HSD17B4: variants seen among roughly 807,000 people sequenced by gnomAD.
HSD17B4 encodes hydroxysteroid 17-beta dehydrogenase 4.
Under a neutral mutation model 101.0 loss-of-function variants are expected in HSD17B4, and 70 were observed. That is an observed-to-expected ratio of 0.69 (90% CI 0.57 to 0.85). HSD17B4 has a LOEUF of 0.85. Ranked by LOEUF, HSD17B4 falls within the 40% of genes least tolerant of loss-of-function variation. The probability of loss-of-function intolerance (pLI) is 0.00; values close to 1 mark genes in which losing one functional copy is unlikely to be tolerated. For synonymous variants in HSD17B4, 347 were observed against 297.1 expected (o/e 1.17, Z -1.73); for missense variants, 984 against 892.4 (o/e 1.10, Z -1.31).
chr5:119,520,920 C>A (rs1300391119), intron 17 of HSD17B4, among the ~76,000 whole-genome samples: 1 of 152,064 alleles, frequency 6.6e-6, no homozygotes, highest in Non-Finnish European at 1.5e-5. Context: ...TTATTGTTCC[C>A]ATTTTGGGGG....
chr5:119,476,850 T>G (rs1245750250), intron 6 of HSD17B4: 5 of 265,102 alleles, frequency 1.9e-5, no homozygotes, highest in Non-Finnish European at 2.9e-5. Flanking sequence ...TGAAAACATT[T>G]GTTTTACCAA....
chr5:119,499,564 T>TA lies in HSD17B4; in HGVS notation c.1209+17dup, dbSNP rs757093469. On this transcript the variant is annotated intron_variant, in intron 13 of 23. Coordinates refer to ENST00000510025, the MANE Select transcript of HSD17B4 (RefSeq NM_000414.4). ...ATCAACTTTGCAAAGGTATGCCTAATAAAAAACCTTTATTTTGCTTTTCTA... is the reference window on the plus strand; with the variant it reads ...ATCAACTTTGCAAAGGTATGCCTAATAAAAAAACCTTTATTTTGCTTTTCTA... The TA allele has an allele frequency of 2.4e-5, 35 of 1,483,454 alleles. No individual in the cohort carries two copies. The highest frequency in any genetic ancestry group is 5.7e-5 in the South Asian group (5 of 88,308). 91.9% of individuals were successfully genotyped at this position (1,483,454 alleles called of 1,614,324 possible). A position where few individuals can be genotyped will look rare whatever the true frequency, so the allele number is the denominator to read the frequency against.
At chr5:119,521,128 A>G (rs1459747474) in intron 17 of HSD17B4, among the ~76,000 whole-genome samples, 1 of 152,184 alleles carries the variant, frequency 6.6e-6, no homozygotes, top group Non-Finnish European at 1.5e-5. Flanking sequence ...CTTGGTTTCT[A>G]TATCTTTAAA....
At chr5:119,469,012 T>TA (rs1756089615) in intron 2 of HSD17B4, among the ~76,000 whole-genome samples, 2 of 151,912 alleles carry the variant, frequency 1.3e-5, no homozygotes, top group Non-Finnish European at 2.9e-5. Flanking sequence ...AGGCATATCT[T>TA]ACACGAGTGT....
At chr5:119,538,251 T>A (rs1465623951) in intron 23 of HSD17B4, among the ~76,000 whole-genome samples, 1 of 152,196 alleles carries the variant, frequency 6.6e-6, no homozygotes, top group African/African-American at 2.4e-5. Flanking sequence ...CCTTCTGCCC[T>A]TCTGTATCCT....
intron 2 of HSD17B4, among the ~76,000 whole-genome samples, chr5:119,466,401 A>T (rs903833517): frequency 2.6e-5 from 4 of 152,158 alleles, no homozygotes; most frequent in Non-Finnish European, 4.4e-5. Flanking sequence ...AGTTCTTTAA[A>T]TGTTTGGTAA....
intron 6 of HSD17B4, chr5:119,476,321 T>G (rs1325188069): frequency 6.4e-6 from 1 of 155,340 alleles, no homozygotes; most frequent in Non-Finnish European, 1.4e-5. Context: ...ATTTTGAAGC[T>G]TCTAGTAAAT....
At chr5:119,471,212 A>G (rs947032745) in intron 2 of HSD17B4, among the ~76,000 whole-genome samples, 6 of 152,196 alleles carry the variant, frequency 3.9e-5, no homozygotes, top group African/African-American at 1.4e-4. Flanking sequence ...TTGCATTGAA[A>G]TGAACAATTA....
intron 1 of HSD17B4, among the ~76,000 whole-genome samples, chr5:119,453,492 C>A (rs768941601): frequency 6.6e-6 from 1 of 152,252 alleles, no homozygotes; most frequent in Non-Finnish European, 1.5e-5. Flanking sequence ...ATTAGTTTCT[C>A]ACCAGTGGGT....
intron 14 of HSD17B4, among the ~76,000 whole-genome samples, chr5:119,504,074 G>A (rs565886104): frequency 6.6e-6 from 1 of 152,150 alleles, no homozygotes; most frequent in Non-Finnish European, 1.5e-5. Flanking sequence ...GGATAATGAC[G>A]TCCAACTGTA....
At chr5:119,459,234 G>A (rs1213184304) in intron 2 of HSD17B4, among the ~76,000 whole-genome samples, 1 of 152,142 alleles carries the variant, frequency 6.6e-6, no homozygotes, top group South Asian at 2.1e-4. Flanking sequence ...TTAAATCCTG[G>A]CTCTGCTGCC....
chr5:119,540,310 G>A (rs931706579), intron 23 of HSD17B4, among the ~76,000 whole-genome samples: 5 of 151,850 alleles, frequency 3.3e-5, no homozygotes, highest in Non-Finnish European at 7.4e-5. Flanking sequence ...AAGTGTCCCT[G>A]AGAGAGTTTG....
Position 119,496,728 on chromosome 5 carries a change from T to G in HSD17B4, c.972+82T>G, listed in dbSNP as rs1054100744. The stretch of plus-strand genomic sequence containing the variant: ...TTCCCTCCCTGCTTTCTTCCTCCCC[T>G]ACTTCTTTCTCTTTTCTTTTGGATG... On this transcript the variant is annotated intron_variant, in intron 12 of 23. Transcript: ENST00000510025. The G allele has an allele frequency of 2.7e-5, 22 of 810,622 alleles. No individual in the cohort carries two copies. The East Asian group carries it at 5.1e-4, about 19-fold the overall frequency. 50.2% of individuals were successfully genotyped at this position (810,622 alleles called of 1,614,324 possible). A position where few individuals can be genotyped will look rare whatever the true frequency, so the allele number is the denominator to read the frequency against.
In HSD17B4 at chr5:119,539,207, C is replaced by A. The variant is rs759137158; in HGVS notation, c.2121+2657C>A. Among the ~76,000 whole-genome samples the A allele has an allele frequency of 5.9e-5, 9 of 152,088 alleles. No homozygotes were observed. The South Asian group carries it at 8.3e-4, about 14-fold the overall frequency. ...TGGACAAAAGTCCATCAATGATAGA[C>A]TGCATTAAGAAAATGTGGCACATAC... On this transcript the variant is annotated intron_variant, in intron 23 of 23. Coordinates refer to ENST00000510025, the MANE Select transcript of HSD17B4 (RefSeq NM_000414.4).
chr5:119,490,446 A>C (rs549798088), intron 9 of HSD17B4, among the ~76,000 whole-genome samples: 67 of 152,236 alleles, frequency 4.4e-4, no homozygotes, highest in Admixed American at 1.3e-4. Context: ...AATTTCGAAT[A>C]TATAAGACCA....
At chr5:119,511,742 G>C (rs1210473679) in intron 16 of HSD17B4, among the ~76,000 whole-genome samples, 1 of 152,174 alleles carries the variant, frequency 6.6e-6, no homozygotes, top group South Asian at 2.1e-4. Context: ...GTCTAGCTAA[G>C]TTACTAAATA....
intron 22 of HSD17B4, among the ~76,000 whole-genome samples, chr5:119,534,606 C>A (rs186291997): frequency 6.6e-6 from 1 of 151,992 alleles, no homozygotes; most frequent in African/African-American, 2.4e-5. Flanking sequence ...ACCAGATTGC[C>A]GCTTAGGATT....
rs183506863 is a variant in HSD17B4, at chr5:119,511,044, C to T, written c.1437+1800C>T. Among the ~76,000 whole-genome samples, 61 of 152,246 alleles carry T rather than the reference C, an allele frequency of 4.0e-4. No homozygotes were observed. The East Asian group carries it at 8.7e-3, about 22-fold the overall frequency. On this transcript the variant is annotated intron_variant, in intron 16 of 23. Coordinates refer to ENST00000510025, the MANE Select transcript of HSD17B4 (RefSeq NM_000414.4). ...TAGCTTTCCCGTAGCGTGGAGGTTC[C>T]GTGGTTGGAGAGTCAGCAGAGAAGA...
At chr5:119,465,456 A>T (rs1042758685) in intron 2 of HSD17B4, among the ~76,000 whole-genome samples, 1 of 152,166 alleles carries the variant, frequency 6.6e-6, no homozygotes, top group Non-Finnish European at 1.5e-5. Context: ...ATTGTGATGC[A>T]CTTGCTCCCC....
Sources: allele counts gnomAD v4.1 joint callset (sites outside exome capture counted in the v4.1 genomes callset), GRCh38; gene constraint gnomAD v4.1.1; transcripts MANE v1.5; gene names NCBI Gene and HGNC (gene_info 2026-07-23, HGNC 2026-07-21).